The following KAZN variants were observed in gnomAD, a reference collection of about 807,000 sequenced individuals.
The protein encoded by KAZN is kazrin, periplakin interacting protein.
A neutral mutation model predicts 87.4 loss-of-function variants in KAZN; 40 were observed. The ratio of observed to expected loss-of-function variants is 0.46; its 90% CI spans 0.36 to 0.60. The LOEUF (loss-of-function observed/expected upper bound fraction) is 0.60, where lower values mean the gene tolerates loss of function less well. Ranked by LOEUF, KAZN falls within the 20% of genes least tolerant of loss-of-function variation. KAZN has a pLI of 0.00. For missense variants in KAZN, 898 were observed against 1,073.9 expected (o/e 0.84, Z 2.29); for synonymous variants, 466 against 458.3 (o/e 1.02, Z -0.22).
intron 1 of KAZN, among the ~76,000 whole-genome samples, chr1:13,929,045 G>A (rs1557726870): frequency 1.1e-5 from 1 of 94,096 alleles, no homozygotes; most frequent in African/African-American, 4.1e-5. Flanking sequence ...TCAGCTTCAA[G>A]GCTTTTTTTT....
At chr1:14,744,775 A>T (rs1644215341) in intron 1 of KAZN, among the ~76,000 whole-genome samples, 1 of 152,210 alleles carries the variant, frequency 6.6e-6, no homozygotes, top group Non-Finnish European at 1.5e-5. Context: ...CATCCAGCAA[A>T]GTCCATAGTT....
At chr1:14,625,067 C>G (rs1018204741) in intron 1 of KAZN, among the ~76,000 whole-genome samples, 6 of 152,120 alleles carry the variant, frequency 3.9e-5, no homozygotes, top group African/African-American at 9.7e-5. Context: ...TCTAAGAGAA[C>G]TATGTGAGCT....
At chr1:14,698,847 G>A (rs1169265340) in intron 1 of KAZN, among the ~76,000 whole-genome samples, 1 of 152,224 alleles carries the variant, frequency 6.6e-6, no homozygotes, top group African/African-American at 2.4e-5. Context: ...AAGTCTGGCA[G>A]GAAATCGCAA....
intron 1 of KAZN, among the ~76,000 whole-genome samples, chr1:14,885,357 A>G (rs2807547): frequency 0.76 from 116,031 of 151,960 alleles, 45,080 homozygotes; most frequent in East Asian, 0.96. Flanking sequence ...TGCTGAGAAC[A>G]TCCTTCCCCC....
chr1:14,382,981 T>A (rs1294676626), intron 2 of KAZN, among the ~76,000 whole-genome samples: 1 of 149,962 alleles, frequency 6.7e-6, no homozygotes, highest in Non-Finnish European at 1.5e-5. Flanking sequence ...CCAGCACCTG[T>A]TGTTTCCTGA....
chr1:14,405,606 A>AT (rs760881462), intron 2 of KAZN, among the ~76,000 whole-genome samples: 4 of 136,220 alleles, frequency 2.9e-5, no homozygotes, highest in African/African-American at 5.3e-5. Context: ...ACCCAATAAA[A>AT]TGTGTGTGTG....
intron 2 of KAZN, among the ~76,000 whole-genome samples, chr1:14,350,157 C>T (rs1442280100): frequency 7.2e-6 from 1 of 139,670 alleles, no homozygotes; most frequent in Non-Finnish European, 1.5e-5. Context: ...AAAAAAGTGA[C>T]AAGAACAAGC....
At chr1:15,046,003 A>G (rs1673450292) in intron 4 of KAZN, among the ~76,000 whole-genome samples, 1 of 152,222 alleles carries the variant, frequency 6.6e-6, no homozygotes, top group Non-Finnish European at 1.5e-5. Flanking sequence ...AGAAAATGTT[A>G]TTAAGAGAAT....
At chr1:14,616,564 G>C (rs954253543) in intron 1 of KAZN, among the ~76,000 whole-genome samples, 7 of 152,094 alleles carry the variant, frequency 4.6e-5, no homozygotes, top group Non-Finnish European at 8.8e-5. Context: ...AAAGGTGAGG[G>C]CTGGGCCCCT....
intron 1 of KAZN, among the ~76,000 whole-genome samples, chr1:14,632,827 G>A (rs571401088): frequency 2.0e-5 from 3 of 152,202 alleles, no homozygotes; most frequent in South Asian, 2.1e-4. Flanking sequence ...GGTGTGGACC[G>A]TGGCGTGACC....
At chr1:14,154,256 C>G (rs990262727) in intron 1 of KAZN, among the ~76,000 whole-genome samples, 2 of 152,066 alleles carry the variant, frequency 1.3e-5, no homozygotes, top group African/African-American at 4.8e-5. Context: ...TTCTTTGTTG[C>G]TATTATAAAT....
At chr1:13,920,317 T>A (rs1036690807) in intron 1 of KAZN, among the ~76,000 whole-genome samples, 1 of 151,962 alleles carries the variant, frequency 6.6e-6, no homozygotes, top group African/African-American at 2.4e-5. Flanking sequence ...GAATCAAGTG[T>A]CCATCCTATA....
chr1:15,079,019 G>A (rs1308350888), intron 8 of KAZN, among the ~76,000 whole-genome samples: 1 of 152,216 alleles, frequency 6.6e-6, no homozygotes, highest in Non-Finnish European at 1.5e-5. Context: ...CAGTTGCAAA[G>A]CTTTTTGAGG....
At position 14,207,577 on chromosome 1, in the gene KAZN, T is replaced by C. The variant is rs552314257; in HGVS notation, c.249+26985T>C. ...TCAAATTTTGATATTTTGTACCTTG[T>C]GAACTATTTTTGCATTAATCAAAAA... On this transcript the variant is annotated intron_variant, in intron 2 of 16. Coordinates refer to the KAZN transcript ENST00000636203. Among the ~76,000 whole-genome samples, 7 of 152,342 alleles carry C rather than the reference T, an allele frequency of 4.6e-5. No individual in the cohort carries two copies. In the South Asian group the frequency reaches 1.2e-3, roughly 27 times the overall value.
chr1:14,257,259 A>G (rs540694968), intron 2 of KAZN, among the ~76,000 whole-genome samples: 2 of 151,400 alleles, frequency 1.3e-5, no homozygotes, highest in South Asian at 4.2e-4. Flanking sequence ...TTGGCTGCAT[A>G]AATGTCTTCT....
chr1:14,470,012 G>A (rs1668369579), intron 2 of KAZN, among the ~76,000 whole-genome samples: 1 of 152,208 alleles, frequency 6.6e-6, no homozygotes, highest in Non-Finnish European at 1.5e-5. Context: ...GAGGGAGTAA[G>A]TGAGTCTGGG....
At chr1:14,552,679 A>C (rs1371789545) in intron 2 of KAZN, among the ~76,000 whole-genome samples, 1 of 152,234 alleles carries the variant, frequency 6.6e-6, no homozygotes, top group African/African-American at 2.4e-5. Flanking sequence ...CAAGGGGGTG[A>C]GCAGCTGGAC....
rs150963961 is a variant in KAZN, at chr1:14,564,677, G to T, written c.250-34306G>T. ...AAAAAAAAAAAATTAGCTTGGAGTG[G>T]TGGTAGGCACCTGTAATCCCAGCTA... is the stretch of plus-strand genomic sequence containing the variant. On this transcript the variant is annotated intron_variant, in intron 2 of 16. Coordinates refer to the KAZN transcript ENST00000636203. Among the ~76,000 whole-genome samples, 698 of 151,998 alleles carry T rather than the reference G, an allele frequency of 4.6e-3. 7 individuals are homozygous for T. The highest frequency in any genetic ancestry group is 0.016 in the African/African-American group (664 of 41,470).
intron 2 of KAZN, among the ~76,000 whole-genome samples, chr1:15,026,650 A>C (rs1385955743): frequency 6.6e-6 from 1 of 152,138 alleles, no homozygotes; most frequent in African/African-American, 2.4e-5. Flanking sequence ...CCTATGGCAG[A>C]AATGATTCAG....
Sources: gnomAD v4.1 joint callset for allele counts (sites outside exome capture counted in the v4.1 genomes callset) on GRCh38, gnomAD v4.1.1 for gene constraint, MANE v1.5 for transcripts, NCBI Gene and HGNC (gene_info 2026-07-23, HGNC 2026-07-21) for gene names.